Variants in FAT3 observed in about 807,000 individuals in gnomAD.
The protein encoded by FAT3 is protocadherin Fat 3.
Under a neutral mutation model 310.2 loss-of-function variants are expected in FAT3, and 95 were observed. That is an observed-to-expected ratio of 0.31 (90% CI 0.26 to 0.36). FAT3 has a LOEUF of 0.36. Among genes scored for constraint, FAT3 ranks in the 10% least tolerant of loss-of-function variants. The probability of loss-of-function intolerance (pLI) is 1.00; values close to 1 mark genes in which losing one functional copy is unlikely to be tolerated. For synonymous variants in FAT3, 2,314 were observed against 2,192.9 expected (o/e 1.06, Z -1.54); for missense variants, 5,408 against 5,715.6 (o/e 0.95, Z 1.74).
In FAT3 at chr11:92,253,338, C is replaced by G. The variant is rs531297028; in HGVS notation, c.-18+28164C>G. ...TCATCACACCATGTACCCAACCTTC[C>G]ACTCTTCCATCTCTGGGATGCCTTC... On this transcript the variant is annotated intron_variant, in intron 1 of 27. Transcript: ENST00000525166. Among the ~76,000 whole-genome samples, 88 of 152,070 alleles carry G rather than the reference C, an allele frequency of 5.8e-4. 1 individual carries two copies. The highest frequency in any genetic ancestry group is 6.2e-4 in the Non-Finnish European group (42 of 68,010).
chr11:92,800,082 G>C lies in FAT3; in HGVS notation c.7069G>C (p.Val2357Leu), dbSNP rs1481886848. 2 of 1,613,862 alleles carry C rather than the reference G, an allele frequency of 1.2e-6. No individual in the cohort carries two copies. The highest frequency in any genetic ancestry group is 2.7e-5 in the African/African-American group (2 of 74,918). ...LTARMLDHELVQHCTLKVRSI... is the reference protein window; with the variant it reads ...LTARMLDHELLQHCTLKVRSI... The stretch of plus-strand genomic sequence containing the variant: ...AGCACGAATGCTGGACCATGAGTTA[G>C]TACAACACTGCACTTTGAAAGTCAG... The change falls in exon 10 of 28, where the codon GTA becomes CTA. Residue 2357 changes from valine (V) to leucine (L), a missense_variant. This residue lies in a region of FAT3 where 4,588 missense variants were observed against 4,809.8 expected (regional missense o/e 0.95). Transcript: ENST00000525166.
chr11:92,590,478 A>T (rs1208504023), intron 3 of FAT3, among the ~76,000 whole-genome samples: 1 of 152,158 alleles, frequency 6.6e-6, no homozygotes, highest in Non-Finnish European at 1.5e-5. Flanking sequence ...TGGACCAAAA[A>T]GCATCTGAGA....
chr11:92,790,137 G>A lies in FAT3; in HGVS notation c.4530G>A (p.Arg1510=). The part of the protein sequence containing the change: ...SIDSISMRKF[R]IDPSTGVLYT... The stretch of plus-strand genomic sequence containing the variant: ...ACTCCATCAGCATGAGAAAATTCCG[G>A]ATTGACCCTAGCACTGGCGTGCTCT... The change falls in exon 8 of 28, where the codon CGG becomes CGA. Residue 1510 remains arginine (R), a synonymous_variant. Coordinates refer to ENST00000525166, the MANE Select transcript of FAT3 (RefSeq NM_001367949.2). The A allele has an allele frequency of 6.2e-7, 1 of 1,613,796 alleles. No individual in the cohort carries two copies. The highest frequency in any genetic ancestry group is 8.5e-7 in the Non-Finnish European group (1 of 1,179,740).
chr11:92,262,326 G>A (rs751919355), intron 1 of FAT3, among the ~76,000 whole-genome samples: 6 of 152,076 alleles, frequency 3.9e-5, no homozygotes, highest in Non-Finnish European at 5.9e-5. Flanking sequence ...TCTTTTTCCA[G>A]AAGTTGCTTC....
chr11:92,240,992 T>A (rs184290088), intron 1 of FAT3, among the ~76,000 whole-genome samples: 140 of 152,102 alleles, frequency 9.2e-4, no homozygotes, highest in South Asian at 1.9e-3. Context: ...GTAAAGCAGT[T>A]TGCTTAATGT....
chr11:92,501,131 G>A (rs1952926404), intron 2 of FAT3, among the ~76,000 whole-genome samples: 1 of 151,996 alleles, frequency 6.6e-6, no homozygotes. Flanking sequence ...GCTTCAAATA[G>A]AAGCCGCTTT....
intron 2 of FAT3, among the ~76,000 whole-genome samples, chr11:92,362,622 T>C (rs1948912762): frequency 1.3e-5 from 2 of 152,218 alleles, no homozygotes; most frequent in Admixed American, 1.3e-4. Flanking sequence ...TACGACACTA[T>C]TTTTGTTTTG....
rs1949974972 is a variant in FAT3 at position 92,894,209 on chromosome 11, A to C, written c.*3096A>C. On this transcript the variant is annotated 3_prime_UTR_variant, in exon 28 of 28. Coordinates refer to ENST00000525166, the MANE Select transcript of FAT3 (RefSeq NM_001367949.2). ...CCTAGGGAGAGGGGTTATAGAATTC[A>C]TACATTTCTGTAGACATTCATCGAA... 2.0e-5 allele frequency: 3 copies of C among 152,248 alleles called. No homozygotes were observed. Among genetic ancestry groups the C allele is most frequent in the Admixed American group, 2.0e-4 (3 of 15,286 alleles). 9.4% of individuals were successfully genotyped at this position (152,248 alleles called of 1,614,324 possible). A position where few individuals can be genotyped will look rare whatever the true frequency, so the allele number is the denominator to read the frequency against.
At position 92,448,280 on chromosome 11, in the gene FAT3, C is replaced by T. The variant is rs1425078796; in HGVS notation, c.3293-76354C>T. ...CAAAGGCTGAATGGTCAGTTTTTCT[C>T]TCTCCAACATTTTTCTCCCTCTTTT... On this transcript the variant is annotated intron_variant, in intron 2 of 27. Transcript: ENST00000525166. 1.3e-5 allele frequency among the ~76,000 whole-genome samples: 2 copies of T among 152,108 alleles called. 1 individual carries two copies. Among genetic ancestry groups the T allele is most frequent in the Admixed American group, 1.3e-4 (2 of 15,250 alleles).
At chr11:92,744,030 A>C (rs1945581920) in intron 4 of FAT3, among the ~76,000 whole-genome samples, 1 of 152,158 alleles carries the variant, frequency 6.6e-6, no homozygotes, top group South Asian at 2.1e-4. Context: ...GCCCAGGTTC[A>C]GGTATTATGT....
chr11:92,427,004 A>G (rs1950649956), intron 2 of FAT3, among the ~76,000 whole-genome samples: 1 of 152,150 alleles, frequency 6.6e-6, no homozygotes, highest in Non-Finnish European at 1.5e-5. Flanking sequence ...CTTCCTATCC[A>G]TGAGCATGCA....
intron 9 of FAT3, among the ~76,000 whole-genome samples, chr11:92,793,787 A>G (rs926434472): frequency 6.6e-6 from 1 of 152,198 alleles, no homozygotes; most frequent in Non-Finnish European, 1.5e-5. Flanking sequence ...ATAATGCCAA[A>G]TGCAATATCC....
Position 92,809,894 on chromosome 11 carries a change from G to A in FAT3, c.9299G>A (p.Ser3100Asn), listed in dbSNP as rs998530214. 1 of 1,614,056 alleles carries A rather than the reference G, an allele frequency of 6.2e-7. No homozygotes were observed. The highest frequency in any genetic ancestry group is 1.3e-5 in the African/African-American group (1 of 75,070). The part of the protein sequence containing the change: ...LLDRERIPVY[S>N]LMAKATDGGG... ...GACCGGGAGAGGATCCCCGTGTACA[G>A]CCTGATGGCCAAGGCCACTGACGGG... The change falls in exon 13 of 28, where the codon AGC (serine) becomes AAC (asparagine). Residue 3100 changes from serine to asparagine, a missense_variant. By Grantham distance (46) the Ser-to-Asn change is conservative. This residue lies in a region of FAT3 where 4,588 missense variants were observed against 4,809.8 expected (regional missense o/e 0.95). Transcript: ENST00000525166.
chr11:92,296,315 C>G (rs571629806), intron 1 of FAT3, among the ~76,000 whole-genome samples: 4 of 152,194 alleles, frequency 2.6e-5, no homozygotes, highest in African/African-American at 9.6e-5. Context: ...AAGCAAGTAA[C>G]ATAACAGTAT....
intron 2 of FAT3, among the ~76,000 whole-genome samples, chr11:92,521,249 T>C (rs1211509842): frequency 1.3e-5 from 2 of 151,722 alleles, no homozygotes; most frequent in South Asian, 4.1e-4. Flanking sequence ...TTATTGCTTA[T>C]TGAATTATGT....
intron 3 of FAT3, among the ~76,000 whole-genome samples, chr11:92,534,355 G>C (rs1313132966): frequency 6.6e-6 from 1 of 152,188 alleles, no homozygotes; most frequent in Non-Finnish European, 1.5e-5. Flanking sequence ...TCAGTGCCGA[G>C]CTAGGATTGG....
intron 14 of FAT3, 61 bp downstream of exon 14, chr11:92,832,072 T>C: frequency 6.8e-7 from 1 of 1,469,344 alleles, no homozygotes; most frequent in South Asian, 1.4e-5. Flanking sequence ...GGCTCACACC[T>C]GTAAACCTAG....
At chr11:92,278,353 T>C (rs1416308615) in intron 1 of FAT3, among the ~76,000 whole-genome samples, 1 of 152,264 alleles carries the variant, frequency 6.6e-6, no homozygotes. Context: ...ATCTTGACTT[T>C]GGTGCAAACA....
intron 7 of FAT3, among the ~76,000 whole-genome samples, chr11:92,789,281 A>G (rs1946977289): frequency 6.6e-6 from 1 of 152,218 alleles, no homozygotes; most frequent in Non-Finnish European, 1.5e-5. Context: ...ATTGATTATT[A>G]TTAAAGCTGA....
Sources: gnomAD v4.1 joint callset for allele counts (sites outside exome capture counted in the v4.1 genomes callset) on GRCh38, gnomAD v4.1.1 for gene constraint, gnomAD v4.1.1 regional missense constraint, MANE v1.5 for transcripts, NCBI Gene and HGNC (gene_info 2026-07-23, HGNC 2026-07-21) for gene names.